ZNF7: variants seen among roughly 807,000 people sequenced by gnomAD.
ZNF7 encodes zinc finger protein 7.
A neutral mutation model predicts 12.0 loss-of-function variants in ZNF7; 10 were observed. The observed-to-expected ratio is 0.83, with a 90% CI of 0.51 to 1.42. ZNF7 has a LOEUF of 1.42. Ranked by LOEUF, ZNF7 falls within the 40% of genes most tolerant of loss-of-function variation. The pLI is 0.00. For missense variants in ZNF7, 854 were observed against 837.2 expected, an observed-to-expected ratio of 1.02 and a Z score of -0.25; for synonymous variants, 334 against 295.0, an observed-to-expected ratio of 1.13 and a Z score of -1.35.
chr8:144,846,751 T>A (rs1165671261), downstream of ZNF7: 1 of 152,708 alleles, frequency 6.5e-6, no homozygotes, highest in Non-Finnish European at 1.5e-5. Context: ...CAGGCTGAAG[T>A]GCAGTGGTGC....
intron 3 of ZNF7, among the ~76,000 whole-genome samples, chr8:144,832,527 A>G (rs1414995211): frequency 6.6e-6 from 1 of 151,934 alleles, no homozygotes; most frequent in Non-Finnish European, 1.5e-5. Flanking sequence ...TCAGAGTTTG[A>G]GACCAGCCTG....
downstream of ZNF7, chr8:144,846,150 G>A (rs1293487535): frequency 4.6e-6 from 7 of 1,536,226 alleles, no homozygotes; most frequent in Non-Finnish European, 6.1e-6. Flanking sequence ...GACAGAAGGA[G>A]GGGAACGTCA....
At position 144,842,725 on chromosome 8, in the gene ZNF7, C is replaced by G. The variant is rs775311498; in HGVS notation, c.1618C>G (p.Leu540Val). 1 of 1,614,162 alleles carries G rather than the reference C, an allele frequency of 6.2e-7. No homozygotes were observed. ...AAAAGCCTTCAGTATGAGCACACAGCTTACAATACATCAAAGGGTTCACAC... is the reference window on the plus strand; with the variant it reads ...AAAAGCCTTCAGTATGAGCACACAGGTTACAATACATCAAAGGGTTCACAC... ...CGKAFSMSTQLTIHQRVHTGE... is the reference protein window; with the variant it reads ...CGKAFSMSTQVTIHQRVHTGE... The change falls in exon 5 of 5, where the codon CTT becomes GTT. Residue 540 changes from leucine (L) to valine (V), a missense_variant. Leu to Val is a conservative substitution (Grantham distance 32). Coordinates refer to ENST00000532777, the MANE Select transcript of ZNF7 (RefSeq NM_003416.4).
Position 144,843,048 on chromosome 8 carries a change from A to C in ZNF7, c.1941A>C (p.Ser647=). 6.2e-7 allele frequency: 1 copy of C among 1,614,204 alleles called. No homozygotes were observed. ...GTGAGAAGATATTTAGGTGGCGTTC[A>C]CACCTAATTATACACCAGAGAATTC... The part of the protein sequence containing the change: ...EDCEKIFRWR[S]HLIIHQRIHT... Residue 647 remains serine, a synonymous_variant, in exon 5 of 5, where the codon TCA becomes TCC. Transcript: ENST00000532777.
chr8:144,837,574 C>G, intron 4 of ZNF7, 67 bp downstream of exon 4: 3 of 1,167,578 alleles, frequency 2.6e-6, no homozygotes, highest in Non-Finnish European at 3.7e-6. Flanking sequence ...GGCCTCACAA[C>G]TGTGGGTAGC....
intron 1 of ZNF7, among the ~76,000 whole-genome samples, chr8:144,828,524 C>T (rs558950505): frequency 6.6e-6 from 1 of 152,306 alleles, no homozygotes; most frequent in Admixed American, 6.5e-5. Flanking sequence ...AACCCCATTT[C>T]TTCTTGCTTC....
intron 4 of ZNF7, chr8:144,837,909 C>G (rs1298108830): frequency 6.6e-6 from 4 of 603,768 alleles, no homozygotes; most frequent in African/African-American, 5.5e-5. Context: ...TCCCTTCAGA[C>G]CCTCTCAGGC....
At chr8:144,838,449 T>G in intron 4 of ZNF7, 1 of 368,972 alleles carries the variant, frequency 2.7e-6, no homozygotes, top group African/African-American at 2.1e-5. Context: ...CTCCCCTGCT[T>G]AGCCGGTGTG....
chr8:144,844,308 G>A (rs554655366), downstream of ZNF7, among the ~76,000 whole-genome samples: 17 of 152,292 alleles, frequency 1.1e-4, no homozygotes, highest in East Asian at 1.9e-4. Flanking sequence ...CAGCACACCC[G>A]TGTGCGCACA....
chr8:144,840,296 C>G (rs1554642113), intron 4 of ZNF7, among the ~76,000 whole-genome samples: 3 of 152,360 alleles, frequency 2.0e-5, no homozygotes, highest in Non-Finnish European at 4.4e-5. Flanking sequence ...GCTTCCTGCT[C>G]TGATTCTCCA....
In ZNF7 at chr8:144,843,212, CCTTAA is replaced by C; in HGVS notation, c.*49_*53del. ...TGTATATATGTGAATAAACCTATAG[CCTTAA>C]CTTACTTATTTTATATGGAATCGTT... On this transcript the variant is annotated 3_prime_UTR_variant, in exon 5 of 5. Coordinates refer to ENST00000532777, the MANE Select transcript of ZNF7 (RefSeq NM_003416.4). 4.7e-6 allele frequency: 7 copies of C among 1,503,390 alleles called. No individual in the cohort carries two copies. The highest frequency in any genetic ancestry group is 6.2e-6 in the Non-Finnish European group (7 of 1,125,170). The allele number at this position is 1,503,390 out of a possible 1,614,324, so 93.1% of individuals were successfully genotyped here. A position where few individuals can be genotyped will look rare whatever the true frequency, so the allele number is the denominator to read the frequency against.
intron 1 of ZNF7, 168 bp from the exon 2 acceptor site, chr8:144,828,875 T>G (rs1427021228): frequency 1.3e-6 from 1 of 763,298 alleles, no homozygotes; most frequent in Non-Finnish European, 2.1e-6. Flanking sequence ...AAGAGTTCAG[T>G]GGGCCTCCTT....
downstream of ZNF7, chr8:144,846,180 A>C (rs1056778427): frequency 3.9e-6 from 6 of 1,535,890 alleles, no homozygotes; most frequent in African/African-American, 8.2e-5. Context: ...ATGGTCTGAA[A>C]ATTCCAGATT....
In ZNF7 at chr8:144,829,585, C is replaced by T; in HGVS notation, c.111C>T (p.His37=). The change falls in exon 3 of 5, where the codon CAC becomes CAT. Residue 37 remains histidine, a synonymous_variant. Coordinates refer to ENST00000532777, the MANE Select transcript of ZNF7 (RefSeq NM_003416.4). ...ALYREVMLEN[H]SSVAGLAGFL... Reference sequence around the variant, plus strand: ...ACAGGGAAGTGATGCTGGAGAACCACAGCAGTGTGGCTGGACTAGGTGAGG... The same window carrying T: ...ACAGGGAAGTGATGCTGGAGAACCATAGCAGTGTGGCTGGACTAGGTGAGG... The T allele has an allele frequency of 6.2e-7, 1 of 1,612,720 alleles. No homozygotes were observed.
intron 1 of ZNF7, 112 bp from the exon 2 acceptor site, chr8:144,828,931 A>C: frequency 1.4e-6 from 2 of 1,386,922 alleles, no homozygotes; most frequent in Non-Finnish European, 2.0e-6. Flanking sequence ...TGTCCCTGCT[A>C]GAGAAATCTG....
chr8:144,839,938 CTTTATTTT>C (rs1829649848), intron 4 of ZNF7, among the ~76,000 whole-genome samples: 1 of 152,146 alleles, frequency 6.6e-6, no homozygotes, highest in Non-Finnish European at 1.5e-5. Context: ...TGCCGCTGCT[CTTTATTTT>C]TTTATTTTTT....
rs1827904233 is a variant in ZNF7, at chr8:144,827,571, C to T, written c.-84C>T. On this transcript the variant is annotated 5_prime_UTR_variant, in exon 1 of 5. Coordinates refer to ENST00000532777, the MANE Select transcript of ZNF7 (RefSeq NM_003416.4). Reference sequence around the variant, plus strand: ...GGTGGCCAAGGCCCGTTTCCGGCGGCGTCGCGCGTTTGCGAGCCTCGGGTG... The same window carrying T: ...GGTGGCCAAGGCCCGTTTCCGGCGGTGTCGCGCGTTTGCGAGCCTCGGGTG... 1.0e-5 allele frequency: 10 copies of T among 985,726 alleles called. No individual in the cohort carries two copies. The highest frequency in any genetic ancestry group is 1.2e-5 in the Non-Finnish European group (10 of 830,190). 61.1% of individuals were successfully genotyped at this position (985,726 alleles called of 1,614,324 possible).
intron 1 of ZNF7, chr8:144,828,104 C>G (rs1249869337): frequency 2.0e-5 from 3 of 152,288 alleles, no homozygotes; most frequent in South Asian, 2.1e-4. Context: ...GGCATTCCTA[C>G]TGTCAGGAGC....
rs183377118 is a variant in ZNF7 at position 144,843,450 on chromosome 8, T to C, written c.*282T>C. The C allele has an allele frequency of 1.2e-3, 312 of 255,206 alleles. No individual in the cohort carries two copies. The highest frequency in any genetic ancestry group is 3.6e-3 in the Middle Eastern group (3 of 824). The allele number at this position is 255,206 out of a possible 1,614,324, so 15.8% of individuals were successfully genotyped here. ...AAAAATACAAAAATTTAGCTGGGCG[T>C]GGTGGCAGGCACCTGTGGTCCCAGC... On this transcript the variant is annotated 3_prime_UTR_variant, in exon 5 of 5. Transcript: ENST00000532777.
Sources: allele counts gnomAD v4.1 joint callset (sites outside exome capture counted in the v4.1 genomes callset), GRCh38; gene constraint gnomAD v4.1.1; transcripts MANE v1.5; gene names NCBI Gene and HGNC (gene_info 2026-07-23, HGNC 2026-07-21).